DLGAP2: variants seen among roughly 807,000 people sequenced by gnomAD.
DLGAP2 encodes the protein DLG associated protein 2, also known as disks large-associated protein 2.
A neutral mutation model predicts 100.3 loss-of-function variants in DLGAP2; 26 were observed. The observed-to-expected ratio is 0.26, with a 90% CI of 0.19 to 0.36. The LOEUF (loss-of-function observed/expected upper bound fraction) is 0.36. Ranked by LOEUF, DLGAP2 falls within the 10% of genes least tolerant of loss-of-function variation. The pLI, the probability that DLGAP2 is intolerant of heterozygous loss-of-function variation, is 1.00. For synonymous variants in DLGAP2, 886 were observed against 630.1 expected (o/e 1.41, Z -6.08); for missense variants, 1,858 against 1,453.2 (o/e 1.28, Z -4.53).
chr8:1,476,338 T>A (rs1255522020), intron 3 of DLGAP2, among the ~76,000 whole-genome samples: 4 of 152,200 alleles, frequency 2.6e-5, no homozygotes, highest in Non-Finnish European at 5.9e-5. Flanking sequence ...ATCCTAATAA[T>A]AATCCTGCAG....
chr8:1,136,069 T>A (rs1287772893), intron 2 of DLGAP2, among the ~76,000 whole-genome samples: 1 of 152,092 alleles, frequency 6.6e-6, no homozygotes, highest in African/African-American at 2.4e-5. Context: ...AACCTGCTCA[T>A]GAAAAATTCA....
chr8:965,071 G>A lies in DLGAP2; in HGVS notation c.73+57105G>A, dbSNP rs1177207923. ...ACACAGAGCTCCTGAGTCTGACCCC[G>A]CACTGCACACGGCAGTGTTCATCAC... On this transcript the variant is annotated intron_variant, in intron 2 of 14. Transcript: ENST00000637795. Among the ~76,000 whole-genome samples the A allele has an allele frequency of 2.9e-5, 4 of 136,230 alleles. No homozygotes were observed. The Admixed American group carries it at 3.0e-4, about 10-fold the overall frequency. 89.4% of individuals were successfully genotyped at this position (136,230 alleles called of 152,430 possible). A position where few individuals can be genotyped will look rare whatever the true frequency, so the allele number is the denominator to read the frequency against.
At chr8:986,235 T>G (rs896246634) in intron 2 of DLGAP2, among the ~76,000 whole-genome samples, 9 of 152,056 alleles carry the variant, frequency 5.9e-5, no homozygotes, top group African/African-American at 2.2e-4. Flanking sequence ...ACAGCAGGGG[T>G]AGGGAGAGCT....
intron 1 of DLGAP2, among the ~76,000 whole-genome samples, chr8:823,266 GC>G (rs1383911667): frequency 2.0e-5 from 3 of 151,972 alleles, no homozygotes; most frequent in African/African-American, 7.3e-5. Flanking sequence ...CATTTCGGGA[GC>G]TCTGTGTACA....
Position 1,298,035 on chromosome 8 carries a change from C to T in DLGAP2, c.106+39152C>T, listed in dbSNP as rs113389420. Among the ~76,000 whole-genome samples the T allele has an allele frequency of 1.8e-4, 5 of 27,942 alleles. No homozygotes were observed. The African/African-American group carries it at 1.9e-3, about 10-fold the overall frequency. 18.3% of individuals were successfully genotyped at this position (27,942 alleles called of 152,430 possible). ...AGACAGGGAGGAGAAACGTGGCAGGCGTGAACAGACACGTGAGACAGGGAG... is the reference window on the plus strand; with the variant it reads ...AGACAGGGAGGAGAAACGTGGCAGGTGTGAACAGACACGTGAGACAGGGAG... On this transcript the variant is annotated intron_variant, in intron 3 of 14. Transcript: ENST00000637795.
chr8:854,849 A>G (rs1191873686), intron 1 of DLGAP2, among the ~76,000 whole-genome samples: 1 of 152,198 alleles, frequency 6.6e-6, no homozygotes, highest in African/African-American at 2.4e-5. Context: ...TCTGGAGAAA[A>G]GCTTCCCACA....
intron 2 of DLGAP2, among the ~76,000 whole-genome samples, chr8:1,053,774 A>T (rs1802792143): frequency 1.3e-5 from 2 of 152,214 alleles, no homozygotes; most frequent in East Asian, 1.9e-4. Context: ...AAAAATCATT[A>T]TAATATTTAA....
intron 1 of DLGAP2, chr8:892,896 G>C (rs1798065177): frequency 6.6e-6 from 1 of 152,320 alleles, no homozygotes; most frequent in African/African-American, 2.4e-5. Context: ...GCCAGGGCAT[G>C]GACAGGTCCC....
intron 1 of DLGAP2, among the ~76,000 whole-genome samples, chr8:837,993 C>T (rs1316598494): frequency 6.6e-6 from 1 of 150,606 alleles, no homozygotes; most frequent in Non-Finnish European, 1.5e-5. Flanking sequence ...TCCCAAAGTG[C>T]TGGGGTTACA....
At chr8:1,072,218 G>C (rs1048783184) in intron 2 of DLGAP2, among the ~76,000 whole-genome samples, 9 of 152,168 alleles carry the variant, frequency 5.9e-5, no homozygotes, top group South Asian at 2.1e-4. Flanking sequence ...AGGGGACCGG[G>C]AGCCTCCTGA....
intron 2 of DLGAP2, among the ~76,000 whole-genome samples, chr8:911,555 T>C (rs1798485381): frequency 6.7e-6 from 1 of 149,702 alleles, no homozygotes; most frequent in Non-Finnish European, 1.5e-5. Flanking sequence ...AGGATGCATG[T>C]ATAACATATG....
chr8:871,703 GA>G (rs113523196), intron 1 of DLGAP2, among the ~76,000 whole-genome samples: 109 of 148,614 alleles, frequency 7.3e-4, no homozygotes, highest in Admixed American at 3.8e-3. Context: ...TCCAAAATAT[GA>G]AAAAAAAAAC....
At chr8:1,575,340 A>C (rs1802920216) in intron 6 of DLGAP2, among the ~76,000 whole-genome samples, 1 of 152,038 alleles carries the variant, frequency 6.6e-6, no homozygotes. Flanking sequence ...ACAGGACCTA[A>C]AACAATGGAA....
intron 3 of DLGAP2, among the ~76,000 whole-genome samples, chr8:1,288,259 GGT>G: frequency 7.5e-6 from 1 of 134,204 alleles, no homozygotes; most frequent in East Asian, 2.5e-4. Context: ...GTGTGTGTGT[GGT>G]TGTTAGGAGG....
chr8:906,479 G>A lies in DLGAP2; in HGVS notation c.19-1433G>A, dbSNP rs149640406. Among the ~76,000 whole-genome samples, 45 of 152,346 alleles carry A rather than the reference G, an allele frequency of 3.0e-4. No individual in the cohort carries two copies. In the East Asian group the frequency reaches 6.4e-3, roughly 22 times the overall value. On this transcript the variant is annotated intron_variant, in intron 1 of 14. Coordinates refer to ENST00000637795, the MANE Select transcript of DLGAP2 (RefSeq NM_001346810.2). ...GAGTGAATGGGCATGGCTGTGGAAT[G>A]AGACAGAGGGCAGATCTGCGAGGAG... is the stretch of plus-strand genomic sequence containing the variant.
chr8:817,158 A>G (rs1323005729), intron 1 of DLGAP2, among the ~76,000 whole-genome samples: 3 of 145,502 alleles, frequency 2.1e-5, no homozygotes, highest in South Asian at 4.5e-4. Context: ...AAAAAAAAAA[A>G]AGAAAGTTAT....
intron 2 of DLGAP2, among the ~76,000 whole-genome samples, chr8:1,203,156 C>T (rs191304086): frequency 2.3e-3 from 346 of 152,250 alleles, no homozygotes; most frequent in African/African-American, 8.1e-3. Context: ...GTTTTGAGGT[C>T]TGTTATTCCT....
At chr8:986,568 G>A (rs1800493149) in intron 2 of DLGAP2, among the ~76,000 whole-genome samples, 1 of 152,036 alleles carries the variant, frequency 6.6e-6, no homozygotes, top group African/African-American at 2.4e-5. Context: ...GAAAGGGGCT[G>A]TGTTCTGAGG....
intron 2 of DLGAP2, among the ~76,000 whole-genome samples, chr8:1,179,504 C>A (rs1257601122): frequency 6.6e-6 from 1 of 152,274 alleles, no homozygotes; most frequent in East Asian, 1.9e-4. Flanking sequence ...GCCCCACAGG[C>A]ACCTGGCTGC....
Sources: allele counts gnomAD v4.1 joint callset (sites outside exome capture counted in the v4.1 genomes callset), GRCh38; gene constraint gnomAD v4.1.1; transcripts MANE v1.5; gene names NCBI Gene and HGNC (gene_info 2026-07-23, HGNC 2026-07-21).